APBA2: variants seen among roughly 807,000 people sequenced by gnomAD.
The protein encoded by APBA2 is amyloid beta precursor protein binding family A member 2.
APBA2 carries 30 observed loss-of-function variants against 75.0 expected under a neutral mutation model. That is an observed-to-expected ratio of 0.40 (90% CI 0.30 to 0.54). The LOEUF (loss-of-function observed/expected upper bound fraction) is 0.54, where lower values mean the gene tolerates loss of function less well. Ranked by LOEUF, APBA2 falls within the 20% of genes least tolerant of loss-of-function variation. APBA2 has a pLI of 0.49. For missense variants in APBA2, 801 were observed against 1,016.1 expected (o/e 0.79, Z 2.88); for synonymous variants, 444 against 409.6 (o/e 1.08, Z -1.01).
intron 2 of APBA2, among the ~76,000 whole-genome samples, chr15:28,953,703 CCTT>C (rs1469125902): frequency 1.3e-5 from 2 of 152,154 alleles, no homozygotes; most frequent in African/African-American, 4.8e-5. Context: ...CTAGGAAACA[CCTT>C]CTTCCCTTGG....
intron 4 of APBA2, among the ~76,000 whole-genome samples, chr15:29,058,066 A>G (rs1000017548): frequency 3.9e-5 from 6 of 151,940 alleles, no homozygotes; most frequent in Non-Finnish European, 8.8e-5. Flanking sequence ...TATTATTTTC[A>G]CCATCTCTGC....
At chr15:29,101,567 T>C (rs747030618) in intron 9 of APBA2, 32 bp from the exon 10 acceptor site, 1 of 1,603,842 alleles carries the variant, frequency 6.2e-7, no homozygotes, top group South Asian at 1.1e-5. Flanking sequence ...CCAGTAGTGT[T>C]CCCTGACGTG....
At chr15:28,908,315 G>GTT (rs765084356) in intron 1 of APBA2, among the ~76,000 whole-genome samples, 11 of 137,576 alleles carry the variant, frequency 8.0e-5, no homozygotes, top group African/African-American at 2.1e-4. Context: ...TTGTTTTCTT[G>GTT]TTTTTTTTTT....
chr15:28,896,196 T>C (rs1263998564), intron 1 of APBA2, among the ~76,000 whole-genome samples: 1 of 152,236 alleles, frequency 6.6e-6, no homozygotes, highest in Non-Finnish European at 1.5e-5. Context: ...TAGACCTTTC[T>C]GTCATCTTGA....
chr15:29,068,316 G>A (rs138887117), intron 4 of APBA2, among the ~76,000 whole-genome samples: 22 of 152,230 alleles, frequency 1.4e-4, no homozygotes, highest in African/African-American at 5.3e-4. Context: ...AGAACCAGTG[G>A]CAGAAGCAGC....
intron 11 of APBA2, among the ~76,000 whole-genome samples, chr15:29,105,784 C>G (rs148055858): frequency 1.8e-4 from 27 of 152,170 alleles, no homozygotes; most frequent in African/African-American, 6.0e-4. Flanking sequence ...TTAATGACCT[C>G]GAAAATGCGC....
chr15:28,937,606 G>A (rs1472189619), intron 2 of APBA2, among the ~76,000 whole-genome samples: 1 of 152,066 alleles, frequency 6.6e-6, no homozygotes, highest in Non-Finnish European at 1.5e-5. Flanking sequence ...CCCACTCCGG[G>A]CTTCAGGGAT....
At chr15:28,966,692 A>G (rs1287102456) in intron 2 of APBA2, among the ~76,000 whole-genome samples, 1 of 152,056 alleles carries the variant, frequency 6.6e-6, no homozygotes, top group Admixed American at 6.5e-5. Context: ...TTGACTTGCT[A>G]GGGTTTAAGT....
At chr15:28,930,167 G>A (rs1186906697) in intron 2 of APBA2, among the ~76,000 whole-genome samples, 1 of 152,216 alleles carries the variant, frequency 6.6e-6, no homozygotes, top group Non-Finnish European at 1.5e-5. Context: ...AGGTGGGAAT[G>A]GGCTGGCAGG....
At chr15:28,944,269 G>A (rs1168832037) in intron 2 of APBA2, among the ~76,000 whole-genome samples, 1 of 152,090 alleles carries the variant, frequency 6.6e-6, no homozygotes, top group African/African-American at 2.4e-5. Context: ...GCAGAAAGGT[G>A]TGCAGGAGCC....
intron 5 of APBA2, among the ~76,000 whole-genome samples, chr15:29,075,622 G>C (rs1373843120): frequency 6.6e-6 from 1 of 152,244 alleles, no homozygotes. Flanking sequence ...ACAGTGCTAT[G>C]ATGGAAGTTA....
rs779536046 is a variant in APBA2, at chr15:29,054,523, G to A, written c.639G>A (p.Arg213=). 5.0e-6 allele frequency: 8 copies of A among 1,613,480 alleles called. No homozygotes were observed. In the South Asian group the frequency reaches 5.5e-5, roughly 11 times the overall value. ...GNTGASPYRL[R]RGDGDLEDQE... is the part of the protein sequence containing the mutation. ...CCGGCGCCTCCCCCTACCGCCTGAG[G>A]CGTGGGGATGGGGACCTGGAGGACC... Residue 213 remains arginine, a synonymous_variant, in exon 4 of 15, where the codon AGG becomes AGA. Coordinates refer to ENST00000683413, the MANE Select transcript of APBA2 (RefSeq NM_001353788.2). This position sits in a 1 kb window ranked among gnomAD's most constrained non-coding sequence, Gnocchi z 6.1.
At chr15:28,957,727 G>T (rs1294834563) in intron 2 of APBA2, among the ~76,000 whole-genome samples, 1 of 152,234 alleles carries the variant, frequency 6.6e-6, no homozygotes, top group Admixed American at 6.5e-5. Context: ...CGCGTGCCGA[G>T]GGCTGTAGGA....
intron 2 of APBA2, among the ~76,000 whole-genome samples, chr15:28,933,180 T>G (rs1054302309): frequency 2.0e-5 from 3 of 152,124 alleles, no homozygotes; most frequent in African/African-American, 7.2e-5. Context: ...AGGTCTCACT[T>G]CTCAACATTG....
intron 3 of APBA2, among the ~76,000 whole-genome samples, chr15:29,053,203 C>G (rs554978106): frequency 1.3e-5 from 2 of 152,162 alleles, no homozygotes; most frequent in African/African-American, 4.8e-5. Context: ...TCCCCATGGC[C>G]GAGCAGTGCT....
At position 28,944,143 on chromosome 15, in the gene APBA2, G is replaced by T. The variant is rs139225940; in HGVS notation, c.-95+22394G>T. On this transcript the variant is annotated intron_variant, in intron 2 of 14. Transcript: ENST00000683413. Reference sequence around the variant, plus strand: ...GTGACTGAGTATTGCTGATGGCTGCGACTGCTTTCAGGATCAAATTGTGTC... The same window carrying T: ...GTGACTGAGTATTGCTGATGGCTGCTACTGCTTTCAGGATCAAATTGTGTC... Among the ~76,000 whole-genome samples, 195 of 152,238 alleles carry T rather than the reference G, an allele frequency of 1.3e-3. 1 individual carries two copies. Among genetic ancestry groups the T allele is most frequent in the African/African-American group, 4.6e-3 (193 of 41,542 alleles).
intron 3 of APBA2, among the ~76,000 whole-genome samples, chr15:29,002,971 C>T (rs748031185): frequency 1.2e-4 from 18 of 151,922 alleles, no homozygotes; most frequent in Non-Finnish European, 2.4e-4. Context: ...GGCAAACAAG[C>T]GTGTATATAT....
chr15:28,942,331 C>T (rs769994711), intron 2 of APBA2, among the ~76,000 whole-genome samples: 31 of 152,152 alleles, frequency 2.0e-4, no homozygotes, highest in African/African-American at 5.5e-4. Context: ...CAGACCCACT[C>T]GTATCTTTGT....
intron 2 of APBA2, among the ~76,000 whole-genome samples, chr15:28,930,122 G>A (rs1322605501): frequency 6.6e-6 from 1 of 152,220 alleles, no homozygotes; most frequent in African/African-American, 2.4e-5. Flanking sequence ...CTCCCTGACA[G>A]TGCAGCCCCC....
Sources: allele counts gnomAD v4.1 joint callset (sites outside exome capture counted in the v4.1 genomes callset), GRCh38; gene constraint gnomAD v4.1.1; non-coding constraint Gnocchi (gnomAD v3.1); transcripts MANE v1.5; gene names NCBI Gene and HGNC (gene_info 2026-07-23, HGNC 2026-07-21).